Variants in SLC44A5 observed in about 807,000 individuals in gnomAD.
SLC44A5 encodes the protein solute carrier family 44 member 5.
In SLC44A5, 57 loss-of-function variants were observed where a neutral mutation model predicts 101.8. The ratio of observed to expected loss-of-function variants is 0.56; its 90% CI spans 0.45 to 0.70. The LOEUF (loss-of-function observed/expected upper bound fraction) is 0.70. SLC44A5 is among the 30% of genes least tolerant of loss of function. The probability of loss-of-function intolerance (pLI) is 0.00; values close to 1 mark genes in which losing one functional copy is unlikely to be tolerated. For missense variants in SLC44A5, 737 were observed against 853.1 expected, an observed-to-expected ratio of 0.86 and a Z score of 1.70; for synonymous variants, 281 against 290.9, an observed-to-expected ratio of 0.97 and a Z score of 0.35.
At chr1:75,376,288 C>A (rs537086860) in intron 3 of SLC44A5, among the ~76,000 whole-genome samples, 1 of 152,100 alleles carries the variant, frequency 6.6e-6, no homozygotes. Flanking sequence ...CCAGGCTTGC[C>A]TAGGTAAACA....
At chr1:75,342,229 C>G (rs1056286020) in intron 3 of SLC44A5, among the ~76,000 whole-genome samples, 3 of 152,112 alleles carry the variant, frequency 2.0e-5, no homozygotes, top group Non-Finnish European at 4.4e-5. Context: ...ATCATAAACT[C>G]TATAAAATTT....
intron 1 of SLC44A5, among the ~76,000 whole-genome samples, chr1:75,565,776 G>T (rs1672754722): frequency 6.6e-6 from 1 of 152,090 alleles, no homozygotes; most frequent in African/African-American, 2.4e-5. Context: ...GCCATTATGA[G>T]AATTAAATAG....
intron 4 of SLC44A5, among the ~76,000 whole-genome samples, chr1:75,338,623 TG>T (rs1657628768): frequency 6.6e-6 from 1 of 152,176 alleles, no homozygotes; most frequent in African/African-American, 2.4e-5. Flanking sequence ...ATGGAGAGAA[TG>T]GAGAGGTTTT....
the SLC44A5 span, among the ~76,000 whole-genome samples, chr1:75,686,140 T>C: frequency 6.6e-6 from 1 of 152,028 alleles, no homozygotes; most frequent in African/African-American, 2.4e-5. Flanking sequence ...CCATGACACA[T>C]GGAGATTATG....
At chr1:75,573,310 C>T (rs1029295975) in intron 1 of SLC44A5, among the ~76,000 whole-genome samples, 10 of 151,906 alleles carry the variant, frequency 6.6e-5, no homozygotes, top group African/African-American at 2.4e-4. Flanking sequence ...CACCACTGAA[C>T]TCCAGACTGT....
In SLC44A5 at chr1:75,285,890, G is replaced by A. The variant is rs549253970; in HGVS notation, c.176-10848C>T. ...ATTGAGACTTGTTTTGTGGCCTATC[G>A]TATGGTCTATCTTGGAGAATGTTCC... On this transcript the variant is annotated intron_variant, in intron 5 of 23. Coordinates refer to ENST00000370859, the MANE Select transcript of SLC44A5 (RefSeq NM_001130058.2). Among the ~76,000 whole-genome samples the A allele has an allele frequency of 1.8e-3, 267 of 152,016 alleles. 1 individual carries two copies. The highest frequency in any genetic ancestry group is 6.0e-3 in the African/African-American group (248 of 41,508).
intron 2 of SLC44A5, among the ~76,000 whole-genome samples, chr1:75,413,638 T>C (rs1663426026): frequency 6.6e-6 from 1 of 152,190 alleles, no homozygotes; most frequent in Admixed American, 6.5e-5. Flanking sequence ...ATTTTCAGGT[T>C]GTACAACTTC....
chr1:75,514,111 C>T (rs957438611), intron 2 of SLC44A5, among the ~76,000 whole-genome samples: 32 of 152,186 alleles, frequency 2.1e-4, no homozygotes, highest in African/African-American at 5.5e-4. Flanking sequence ...TCCGAAAGCA[C>T]TGGCGTTACT....
intron 6 of SLC44A5, 70 bp from the exon 7 acceptor site, chr1:75,251,364 A>C: frequency 7.9e-7 from 1 of 1,261,726 alleles, no homozygotes; most frequent in Non-Finnish European, 1.1e-6. Flanking sequence ...GACCCTGAAC[A>C]CTTTTTATAA....
the SLC44A5 span, among the ~76,000 whole-genome samples, chr1:75,647,092 C>T: frequency 1.5e-3 from 222 of 152,262 alleles, 1 homozygote; most frequent in African/African-American, 4.9e-3. Flanking sequence ...TGGAGGCCTA[C>T]GAAGAAAAAT....
chr1:75,396,371 G>A (rs1224495342), intron 3 of SLC44A5, among the ~76,000 whole-genome samples: 1 of 152,094 alleles, frequency 6.6e-6, no homozygotes, highest in Non-Finnish European at 1.5e-5. Context: ...TGTTTTTCCT[G>A]GGAAATTCAT....
intron 2 of SLC44A5, among the ~76,000 whole-genome samples, chr1:75,505,333 G>A (rs1303721985): frequency 6.6e-6 from 1 of 152,154 alleles, no homozygotes; most frequent in Non-Finnish European, 1.5e-5. Flanking sequence ...ATGAGTGCAT[G>A]TGTCCTTTTG....
intron 12 of SLC44A5, among the ~76,000 whole-genome samples, chr1:75,228,550 C>A (rs1159021761): frequency 6.6e-6 from 1 of 151,818 alleles, no homozygotes; most frequent in Non-Finnish European, 1.5e-5. Flanking sequence ...CATATTTATA[C>A]TTTATATACT....
At chr1:75,357,789 A>G (rs1659190775) in intron 3 of SLC44A5, among the ~76,000 whole-genome samples, 1 of 152,174 alleles carries the variant, frequency 6.6e-6, no homozygotes, top group Non-Finnish European at 1.5e-5. Flanking sequence ...ACTTACTCAA[A>G]TCAGCTAGTT....
intron 13 of SLC44A5, among the ~76,000 whole-genome samples, chr1:75,227,012 T>G (rs1205014497): frequency 1.3e-5 from 2 of 152,212 alleles, no homozygotes; most frequent in Non-Finnish European, 2.9e-5. Flanking sequence ...TTTAAATGTT[T>G]TGTTATGAAA....
chr1:75,698,389 G>T, the SLC44A5 span, among the ~76,000 whole-genome samples: 2 of 152,162 alleles, frequency 1.3e-5, no homozygotes, highest in African/African-American at 4.8e-5. Flanking sequence ...CCCAGCAGGG[G>T]CAGACTGACA....
intron 4 of SLC44A5, among the ~76,000 whole-genome samples, chr1:75,305,999 A>G (rs1326310948): frequency 2.0e-5 from 3 of 152,272 alleles, no homozygotes; most frequent in Non-Finnish European, 4.4e-5. Flanking sequence ...GTTTTTGTAC[A>G]GCCTGTGAGC....
At chr1:75,620,804 TC>T in the SLC44A5 span, among the ~76,000 whole-genome samples, 1 of 152,224 alleles carries the variant, frequency 6.6e-6, no homozygotes, top group Non-Finnish European at 1.5e-5. Context: ...GATGATAGTT[TC>T]TTTTGCTGTG....
intron 1 of SLC44A5, among the ~76,000 whole-genome samples, chr1:75,570,219 G>A (rs1673002553): frequency 6.6e-6 from 1 of 152,150 alleles, no homozygotes; most frequent in Non-Finnish European, 1.5e-5. Flanking sequence ...GATGGGTGCT[G>A]AAAAACGGGG....
Sources: allele counts gnomAD v4.1 joint callset (sites outside exome capture counted in the v4.1 genomes callset), GRCh38; gene constraint gnomAD v4.1.1; transcripts MANE v1.5; gene names NCBI Gene and HGNC (gene_info 2026-07-23, HGNC 2026-07-21).